The following SPATA18 variants were observed in gnomAD, a reference collection of about 807,000 sequenced individuals.
The protein encoded by SPATA18 is mitochondria-eating protein.
In SPATA18, 54 loss-of-function variants were observed where a neutral mutation model predicts 68.1. The ratio of observed to expected loss-of-function variants is 0.79; its 90% CI spans 0.64 to 0.99. The LOEUF (loss-of-function observed/expected upper bound fraction) is 0.99. SPATA18 is among the 50% of genes least tolerant of loss of function. The probability of loss-of-function intolerance (pLI) is 0.00; values close to 1 mark genes in which losing one functional copy is unlikely to be tolerated. For missense variants in SPATA18, 724 were observed against 681.1 expected (o/e 1.06, Z -0.70); for synonymous variants, 242 against 244.8 (o/e 0.99, Z 0.11).
chr4:52,056,128 C>T (rs1452587028), intron 1 of SPATA18, among the ~76,000 whole-genome samples: 1 of 152,022 alleles, frequency 6.6e-6, no homozygotes, highest in East Asian at 1.9e-4. Flanking sequence ...CAAAATTGCC[C>T]CTCATTCTGC....
At chr4:52,067,309 G>A (rs191815390) in intron 4 of SPATA18, among the ~76,000 whole-genome samples, 1 of 152,260 alleles carries the variant, frequency 6.6e-6, no homozygotes, top group Admixed American at 6.5e-5. Flanking sequence ...CTCTTGAGAA[G>A]TGTTTGTTCA....
chr4:52,088,150 A>G (rs1741596622), intron 11 of SPATA18, among the ~76,000 whole-genome samples: 1 of 152,176 alleles, frequency 6.6e-6, no homozygotes, highest in Non-Finnish European at 1.5e-5. Context: ...GAAGTTGCTT[A>G]TTAGCTTAAG....
Position 52,096,458 on chromosome 4 carries a change from T to C in SPATA18, c.*1571T>C, listed in dbSNP as rs1485857607. On this transcript the variant is annotated 3_prime_UTR_variant, in exon 13 of 13. Transcript: ENST00000295213. ...CAAGTATTTTATTCTGAATATGAAA[T>C]GAAAATTAAAGTTAATATAATCATC... 1 of 152,134 alleles carries C rather than the reference T, an allele frequency of 6.6e-6. No individual in the cohort carries two copies. Among genetic ancestry groups the C allele is most frequent in the African/African-American group, 2.4e-5 (1 of 41,424 alleles). The allele number at this position is 152,134 out of a possible 1,614,324, so 9.4% of individuals were successfully genotyped here.
In SPATA18 at chr4:52,095,493, T is replaced by G. The variant is rs1410645893; in HGVS notation, c.*606T>G. 6.6e-6 allele frequency: 1 copy of G among 152,230 alleles called. No individual in the cohort carries two copies. Among genetic ancestry groups the G allele is most frequent in the Non-Finnish European group, 1.5e-5 (1 of 68,072 alleles). The allele number at this position is 152,230 out of a possible 1,614,324, so 9.4% of individuals were successfully genotyped here. A position where few individuals can be genotyped will look rare whatever the true frequency, so the allele number is the denominator to read the frequency against. Reference sequence around the variant, plus strand: ...AACAAATTATATTTATTGGTTGGCTTGCTTTTCCGTTCTGATTTTGAGAGT... The same window carrying G: ...AACAAATTATATTTATTGGTTGGCTGGCTTTTCCGTTCTGATTTTGAGAGT... On this transcript the variant is annotated 3_prime_UTR_variant, in exon 13 of 13. Transcript: ENST00000295213.
At position 52,061,783 on chromosome 4, in the gene SPATA18, T is replaced by C. The variant is rs573404575; in HGVS notation, c.310-437T>C. ...GGCCTGACACATGTTAAGTACTTTA[T>C]AGACTTCAGTTATCATTAAGTAATT... On this transcript the variant is annotated intron_variant, in intron 3 of 12. Coordinates refer to ENST00000295213, the MANE Select transcript of SPATA18 (RefSeq NM_145263.4). Among the ~76,000 whole-genome samples the C allele has an allele frequency of 9.2e-5, 14 of 152,322 alleles. No homozygotes were observed. In the South Asian group the frequency reaches 2.7e-3, roughly 29 times the overall value.
rs1448830903 is a variant in SPATA18, at chr4:52,094,896, G to C, written c.*9G>C. The C allele has an allele frequency of 6.2e-7, 1 of 1,613,920 alleles. No individual in the cohort carries two copies. Among genetic ancestry groups the C allele is most frequent in the African/African-American group, 1.3e-5 (1 of 74,924 alleles). On this transcript the variant is annotated 3_prime_UTR_variant, in exon 13 of 13. Coordinates refer to ENST00000295213, the MANE Select transcript of SPATA18 (RefSeq NM_145263.4). ...TCTCCCTAGGATTTTAAAAGCACCAGACCTGCTCCTTTGACCCAGTGCGTG... is the reference window on the plus strand; with the variant it reads ...TCTCCCTAGGATTTTAAAAGCACCACACCTGCTCCTTTGACCCAGTGCGTG...
chr4:52,083,573 C>T (rs1207333071), intron 10 of SPATA18: 1 of 689,888 alleles, frequency 1.4e-6, no homozygotes, highest in Non-Finnish European at 1.8e-6. Context: ...AGCGAGACCT[C>T]ATCTCTACAA....
In SPATA18 at chr4:52,084,980, G is replaced by C; in HGVS notation, c.1544G>C (p.Ser515Thr). The C allele has an allele frequency of 1.2e-6, 2 of 1,613,372 alleles. No homozygotes were observed. The highest frequency in any genetic ancestry group is 1.1e-5 in the South Asian group (1 of 91,042). ...SRSLSPICPR[S>T]QIGLNTMSRS... The stretch of plus-strand genomic sequence containing the variant: ...AGTTTAAGTCCCATTTGCCCCCGTA[G>C]CCAAATTGGTTTAAACACGGTACAT... Residue 515 changes from serine to threonine, a missense_variant, in exon 11 of 13, where the codon AGC (serine) becomes ACC (threonine). By Grantham distance (58) the Ser-to-Thr change is moderately conservative. Coordinates refer to ENST00000295213, the MANE Select transcript of SPATA18 (RefSeq NM_145263.4).
At chr4:52,090,515 G>T (rs1239754973) in intron 11 of SPATA18, among the ~76,000 whole-genome samples, 3 of 152,086 alleles carry the variant, frequency 2.0e-5, no homozygotes, top group African/African-American at 7.2e-5. Flanking sequence ...GTCTGTAAAG[G>T]ATTTTATTTC....
At chr4:52,062,573 C>T (rs1156619217) in intron 4 of SPATA18, among the ~76,000 whole-genome samples, 3 of 151,936 alleles carry the variant, frequency 2.0e-5, no homozygotes, top group East Asian at 3.9e-4. Flanking sequence ...GATACATGGT[C>T]CCCTGGTTCC....
chr4:52,065,436 A>G (rs959793653), intron 4 of SPATA18, among the ~76,000 whole-genome samples: 2 of 152,148 alleles, frequency 1.3e-5, no homozygotes, highest in Non-Finnish European at 1.5e-5. Context: ...CTTAGATATA[A>G]GTCTTTGATC....
At chr4:52,061,241 A>G (rs1156845717) in intron 3 of SPATA18, among the ~76,000 whole-genome samples, 2 of 152,100 alleles carry the variant, frequency 1.3e-5, no homozygotes, top group Non-Finnish European at 2.9e-5. Context: ...CAAACATCAC[A>G]TGTTCTCACT....
intron 9 of SPATA18, 99 bp from the exon 10 acceptor site, chr4:52,082,288 C>G: frequency 2.6e-6 from 3 of 1,147,270 alleles, no homozygotes; most frequent in Non-Finnish European, 3.8e-6. Context: ...TTACTCAGAT[C>G]TGAGCATAAT....
In SPATA18 at chr4:52,082,426, A is replaced by T; in HGVS notation, c.1395A>T (p.Leu465Phe). 1 of 1,614,114 alleles carries T rather than the reference A, an allele frequency of 6.2e-7. No homozygotes were observed. Among genetic ancestry groups the T allele is most frequent in the South Asian group, 1.1e-5 (1 of 91,084 alleles). Residue 465 changes from leucine (L) to phenylalanine (F), a missense_variant, in exon 10 of 13, where the codon TTA becomes TTT. Physicochemically the swap from Leu to Phe is conservative, Grantham distance 22 (BLOSUM62 0). Transcript: ENST00000295213. Reference protein sequence around the residue: ...RSYDSDFTAPLVLYHVWPALM... With the variant: ...RSYDSDFTAPFVLYHVWPALM... ...ACGACTCGGATTTCACTGCTCCCTTAGTCCTCTATCACGTGTGGCCTGCTC... is the reference window on the plus strand; with the variant it reads ...ACGACTCGGATTTCACTGCTCCCTTTGTCCTCTATCACGTGTGGCCTGCTC...
Position 52,095,470 on chromosome 4 carries a change from C to T in SPATA18, c.*583C>T, listed in dbSNP as rs1056174881. ...TACATTTTCTTTATATATTAGCCAA[C>T]AAATTATATTTATTGGTTGGCTTGC... On this transcript the variant is annotated 3_prime_UTR_variant, in exon 13 of 13. Transcript: ENST00000295213. The T allele has an allele frequency of 6.6e-6, 1 of 152,188 alleles. No homozygotes were observed. The highest frequency in any genetic ancestry group is 2.4e-5 in the African/African-American group (1 of 41,436). The allele number at this position is 152,188 out of a possible 1,614,324, so 9.4% of individuals were successfully genotyped here.
chr4:52,063,834 A>G (rs1453487844), intron 4 of SPATA18, among the ~76,000 whole-genome samples: 3 of 151,994 alleles, frequency 2.0e-5, no homozygotes, highest in Non-Finnish European at 4.4e-5. Context: ...TGAGTTGTGC[A>G]TGTCTTGTCT....
intron 4 of SPATA18, among the ~76,000 whole-genome samples, chr4:52,068,099 C>A (rs1578165064): frequency 6.6e-6 from 1 of 152,148 alleles, no homozygotes; most frequent in Admixed American, 6.5e-5. Flanking sequence ...GAGAAAAATA[C>A]CCAAGTTCTT....
At chr4:52,092,474 C>A (rs1742055021) in intron 11 of SPATA18, among the ~76,000 whole-genome samples, 1 of 152,162 alleles carries the variant, frequency 6.6e-6, no homozygotes, top group Non-Finnish European at 1.5e-5. Context: ...CATTCTCTGG[C>A]CCTTTGCACT....
chr4:52,054,388 C>G lies in SPATA18; in HGVS notation c.87+2597C>G, dbSNP rs144369694. ...TTTATTTCTTAGAAAGGGTAGCAAC[C>G]TGCAGGCTGGGAAGCAGGCCCCTGC... On this transcript the variant is annotated intron_variant, in intron 1 of 12. Coordinates refer to ENST00000295213, the MANE Select transcript of SPATA18 (RefSeq NM_145263.4). Among the ~76,000 whole-genome samples, 98 of 152,302 alleles carry G rather than the reference C, an allele frequency of 6.4e-4. 1 individual carries two copies. In the East Asian group the frequency reaches 0.017, roughly 26 times the overall value.
Sources: allele counts gnomAD v4.1 joint callset (sites outside exome capture counted in the v4.1 genomes callset), GRCh38; gene constraint gnomAD v4.1.1; transcripts MANE v1.5; gene names NCBI Gene and HGNC (gene_info 2026-07-23, HGNC 2026-07-21).